The following ISM2 variants were observed in gnomAD, a reference collection of about 807,000 sequenced individuals.
ISM2 encodes the protein isthmin-2.
In ISM2, 50 loss-of-function variants were observed where a neutral mutation model predicts 58.0. The observed-to-expected ratio is 0.86, with a 90% CI of 0.69 to 1.09. ISM2 has a LOEUF of 1.09. Ranked by LOEUF, ISM2 falls within the 50% of genes least tolerant of loss-of-function variation. The pLI is 0.00. For synonymous variants in ISM2, 303 were observed against 312.4 expected, an observed-to-expected ratio of 0.97 and a Z score of 0.32; for missense variants, 723 against 745.0, an observed-to-expected ratio of 0.97 and a Z score of 0.34.
At position 77,475,706 on chromosome 14, in the gene ISM2, C is replaced by T. The variant is rs377215287; in HGVS notation, c.1605G>A (p.Gly535=). 2 of 1,614,122 alleles carry T rather than the reference C, an allele frequency of 1.2e-6. No homozygotes were observed. The highest frequency in any genetic ancestry group is 1.3e-5 in the African/African-American group (1 of 75,056). Residue 535 remains glycine (G), a synonymous_variant, in exon 7 of 7, where the codon GGG becomes GGA. Transcript: ENST00000342219. The surrounding 1 kb of genome is among the most constrained non-coding windows in gnomAD (Gnocchi z 4.1). Reference sequence around the variant, plus strand: ...GCACAGCGTGGAGGCGGCTCCAGTCCCCCTTGCACAGGATCCAGGGCGTCG... The same window carrying T: ...GCACAGCGTGGAGGCGGCTCCAGTCTCCCTTGCACAGGATCCAGGGCGTCG... The part of the protein sequence containing the change: ...FDTTPWILCK[G]DWSRLHAVLP...
chr14:77,496,799 GAAAAAAAAAAAAAAAA>G lies in ISM2; in HGVS notation c.141+1838_141+1853del, dbSNP rs772342344. 4.0e-3 allele frequency among the ~76,000 whole-genome samples: 104 copies of G among 25,804 alleles called. 2 individuals carry two copies. Among genetic ancestry groups the G allele is most frequent in the Admixed American group, 0.013 (27 of 2,160 alleles). The allele number at this position is 25,804 out of a possible 152,430, so 16.9% of individuals were successfully genotyped here. A position where few individuals can be genotyped will look rare whatever the true frequency, so the allele number is the denominator to read the frequency against. ...GTGACAGAGTGAGACTCCATCTCAG[GAAAAAAAAAAAAAAAA>G]AAAAAAAAAAAAAAAAAAAAATTCA... On this transcript the variant is annotated intron_variant, in intron 1 of 6. Transcript: ENST00000342219.
At chr14:77,489,416 T>C (rs542794105) in intron 1 of ISM2, among the ~76,000 whole-genome samples, 2 of 152,232 alleles carry the variant, frequency 1.3e-5, no homozygotes, top group African/African-American at 4.8e-5. Flanking sequence ...AACACAGCAA[T>C]TGCCTCTTTA....
intron 3 of ISM2, 74 bp downstream of exon 3, chr14:77,484,249 A>T (rs1213440110): frequency 6.4e-7 from 1 of 1,555,816 alleles, no homozygotes; most frequent in East Asian, 2.2e-5. Flanking sequence ...GATATAGGGT[A>T]TCCTGAGCCC....
chr14:77,493,203 C>T (rs927124146), intron 1 of ISM2, among the ~76,000 whole-genome samples: 1 of 152,070 alleles, frequency 6.6e-6, no homozygotes, highest in African/African-American at 2.4e-5. Flanking sequence ...TCCATGTTGC[C>T]CAGGCTGATC....
intron 6 of ISM2, among the ~76,000 whole-genome samples, chr14:77,477,399 C>T (rs1196240946): frequency 2.6e-5 from 4 of 152,276 alleles, no homozygotes; most frequent in East Asian, 3.9e-4. Flanking sequence ...CTGGAACCTT[C>T]CCCAGGATCC....
chr14:77,476,511 T>C (rs1401904384), intron 6 of ISM2, among the ~76,000 whole-genome samples: 1 of 152,168 alleles, frequency 6.6e-6, no homozygotes, highest in African/African-American at 2.4e-5. Flanking sequence ...GGTTTCATTA[T>C]TTTAGCCACT....
chr14:77,475,530 T>A lies in ISM2; in HGVS notation c.*65A>T. On this transcript the variant is annotated 3_prime_UTR_variant, in exon 7 of 7. Coordinates refer to ENST00000342219, the MANE Select transcript of ISM2 (RefSeq NM_199296.3). The surrounding 1 kb of genome is among the most constrained non-coding windows in gnomAD (Gnocchi z 4.1). ...TCTGGGCAGGGGCGGGTGAGGAAAG[T>A]TCTCCCGTGCAACAGCAGCAGCCGC... 3.3e-6 allele frequency: 5 copies of A among 1,502,922 alleles called. No homozygotes were observed. The highest frequency in any genetic ancestry group is 4.4e-6 in the Non-Finnish European group (5 of 1,123,928). 93.1% of individuals were successfully genotyped at this position (1,502,922 alleles called of 1,614,324 possible).
Position 77,498,658 on chromosome 14 carries a change from C to A in ISM2, c.136G>T (p.Ala46Ser). The stretch of plus-strand genomic sequence containing the variant: ...CCGGTGCCGCCGCCACTCACCTCTG[C>A]GAGCCTCGTGAGGCTCCCAGGCCGT... ...GPRPGSLTRLAEVSASPDPRP... is the reference protein window; with the variant it reads ...GPRPGSLTRLSEVSASPDPRP... The change falls in exon 1 of 7, where the codon GCA (alanine) becomes TCA (serine). Residue 46 changes from alanine (A) to serine (S), a missense_variant. By Grantham distance (99) the Ala-to-Ser change is moderately conservative. Coordinates refer to ENST00000342219, the MANE Select transcript of ISM2 (RefSeq NM_199296.3). 1.4e-6 allele frequency: 2 copies of A among 1,468,660 alleles called. No individual in the cohort carries two copies. The highest frequency in any genetic ancestry group is 1.8e-6 in the Non-Finnish European group (2 of 1,116,930). 91.0% of individuals were successfully genotyped at this position (1,468,660 alleles called of 1,614,324 possible). A position where few individuals can be genotyped will look rare whatever the true frequency, so the allele number is the denominator to read the frequency against.
At chr14:77,477,273 C>G (rs11624990) in intron 6 of ISM2, among the ~76,000 whole-genome samples, 1 of 151,916 alleles carries the variant, frequency 6.6e-6, no homozygotes, top group African/African-American at 2.4e-5. Flanking sequence ...TGCTGTTAAC[C>G]GGGTCTTGTT....
In ISM2 at chr14:77,493,003, GA is replaced by G. The variant is rs373350890; in HGVS notation, c.141+5649del. Among the ~76,000 whole-genome samples the G allele has an allele frequency of 5.5e-4, 80 of 146,454 alleles. No individual in the cohort carries two copies. The South Asian group carries it at 0.014, about 25-fold the overall frequency. On this transcript the variant is annotated intron_variant, in intron 1 of 6. Coordinates refer to ENST00000342219, the MANE Select transcript of ISM2 (RefSeq NM_199296.3). ...AGAGCGAAACTTCATCTCAAAAAAAGAAAAAAAAAAGACAGGGTCTCATTCT... is the reference window on the plus strand; with the variant it reads ...AGAGCGAAACTTCATCTCAAAAAAAGAAAAAAAAAGACAGGGTCTCATTCT...
At chr14:77,481,602 C>T (rs1358820879) in intron 4 of ISM2, among the ~76,000 whole-genome samples, 1 of 152,050 alleles carries the variant, frequency 6.6e-6, no homozygotes, top group Non-Finnish European at 1.5e-5. Flanking sequence ...GAATCTTGCC[C>T]AAGGTCATTC....
intron 1 of ISM2, 73 bp from the exon 2 acceptor site, chr14:77,484,992 G>A: frequency 1.4e-6 from 2 of 1,478,206 alleles, no homozygotes; most frequent in Non-Finnish European, 1.8e-6. Context: ...AGGCTGGCCA[G>A]GCAGATCCAG....
chr14:77,486,927 T>C (rs571940270), intron 1 of ISM2, among the ~76,000 whole-genome samples: 22 of 151,546 alleles, frequency 1.5e-4, no homozygotes, highest in Admixed American at 4.6e-4. Context: ...AACCCACATG[T>C]GAATAGTGCT....
At chr14:77,479,266 CTA>C (rs2079117558) in intron 4 of ISM2, among the ~76,000 whole-genome samples, 1 of 152,112 alleles carries the variant, frequency 6.6e-6, no homozygotes, top group South Asian at 2.1e-4. Flanking sequence ...GTCACCCAGG[CTA>C]GAGTGCAGTG....
rs2079158640 is a variant in ISM2, at chr14:77,484,935, G to A, written c.142-16C>T. ...AGGCTGAGACCTGAGGGAGAGAGAA[G>A]GAAGGTAAGGTAACAGGTCAGGGCT... On this transcript the variant is annotated splice_polypyrimidine_tract_variant and intron_variant, in intron 1 of 6. Coordinates refer to ENST00000342219, the MANE Select transcript of ISM2 (RefSeq NM_199296.3). The A allele has an allele frequency of 1.3e-6, 2 of 1,534,146 alleles. No individual in the cohort carries two copies. Among genetic ancestry groups the A allele is most frequent in the South Asian group, 1.3e-5 (1 of 77,152 alleles).
chr14:77,482,355 C>G lies in ISM2; in HGVS notation c.940G>C (p.Gly314Arg). The stretch of plus-strand genomic sequence containing the variant: ...ACAGAATCCTTGAAGACCCAATCCC[C>G]GGGGGCCAGCCAGCCCTGGTCCCAG... Reference protein sequence around the residue: ...DNWDQGWLAPGDWVFKDSVSY... With the variant: ...DNWDQGWLAPRDWVFKDSVSY... Residue 314 changes from glycine to arginine, a missense_variant, in exon 4 of 7, where the codon GGG becomes CGG. Physicochemically the swap from Gly to Arg is moderately radical, Grantham distance 125. Coordinates refer to ENST00000342219, the MANE Select transcript of ISM2 (RefSeq NM_199296.3). 6.2e-7 allele frequency: 1 copy of G among 1,613,794 alleles called. No homozygotes were observed. The highest frequency in any genetic ancestry group is 1.1e-5 in the South Asian group (1 of 91,034).
chr14:77,490,836 C>T (rs1269725523), intron 1 of ISM2, among the ~76,000 whole-genome samples: 1 of 152,218 alleles, frequency 6.6e-6, no homozygotes, highest in African/African-American at 2.4e-5. Flanking sequence ...CTCTCTCTCC[C>T]TCCCTGGGGG....
intron 6 of ISM2, 93 bp from the exon 7 acceptor site, chr14:77,476,205 G>A (rs2079097809): frequency 3.6e-6 from 5 of 1,375,798 alleles, no homozygotes; most frequent in Non-Finnish European, 4.9e-6. Flanking sequence ...CATGGGGAGA[G>A]AAGGCCCAGG....
At position 77,478,599 on chromosome 14, in the gene ISM2, T is replaced by C. The variant is rs764564339; in HGVS notation, c.1090A>G (p.Thr364Ala). 1 of 1,613,336 alleles carries C rather than the reference T, an allele frequency of 6.2e-7. No individual in the cohort carries two copies. The highest frequency in any genetic ancestry group is 1.1e-5 in the South Asian group (1 of 91,050). Reference protein sequence around the residue: ...GYGCTATETRTCDLPSCPGTE... With the variant: ...GYGCTATETRACDLPSCPGTE... ...CCAGGACAGGAGGGCAGGTCACAGG[T>C]ACGGGTCTCGGTGGCAGTGCAGCCA... is the stretch of plus-strand genomic sequence containing the variant. The change falls in exon 5 of 7, where the codon ACC (threonine) becomes GCC (alanine). Residue 364 changes from threonine to alanine, a missense_variant. Coordinates refer to ENST00000342219, the MANE Select transcript of ISM2 (RefSeq NM_199296.3).
Sources: allele counts gnomAD v4.1 joint callset (sites outside exome capture counted in the v4.1 genomes callset), GRCh38; gene constraint gnomAD v4.1.1; non-coding constraint Gnocchi (gnomAD v3.1); transcripts MANE v1.5; gene names NCBI Gene and HGNC (gene_info 2026-07-23, HGNC 2026-07-21).